The following SLC30A9 variants were observed in gnomAD, a reference collection of about 807,000 sequenced individuals.
SLC30A9 encodes the protein proton-coupled zinc antiporter SLC30A9, mitochondrial.
Under a neutral mutation model 87.5 loss-of-function variants are expected in SLC30A9, and 58 were observed. That is an observed-to-expected ratio of 0.66 (90% CI 0.54 to 0.82). The LOEUF is 0.82. Ranked by LOEUF, SLC30A9 falls within the 40% of genes least tolerant of loss-of-function variation. The pLI is 0.00. For synonymous variants in SLC30A9, 234 were observed against 233.0 expected, an observed-to-expected ratio of 1.00 and a Z score of -0.04; for missense variants, 557 against 679.1, an observed-to-expected ratio of 0.82 and a Z score of 2.00.
intron 4 of SLC30A9, 144 bp downstream of exon 4, chr4:42,020,659 T>G: frequency 2.0e-6 from 1 of 489,536 alleles, no homozygotes; most frequent in Non-Finnish European, 3.5e-6. Flanking sequence ...TTTTATTCAG[T>G]CAAAAATGTT....
rs114703078 is a variant in SLC30A9 at position 42,016,219 on chromosome 4, C to T, written c.275-1892C>T. Among the ~76,000 whole-genome samples the T allele has an allele frequency of 7.4e-3, 1,123 of 152,062 alleles. 10 individuals carry two copies. Among genetic ancestry groups the T allele is most frequent in the African/African-American group, 0.026 (1,076 of 41,484 alleles). ...CATGTTAAATGCTTAGTATATATAG[C>T]CATTCTTCATAAACTCTGAAATGTT... On this transcript the variant is annotated intron_variant, in intron 2 of 17. Coordinates refer to ENST00000264451, the MANE Select transcript of SLC30A9 (RefSeq NM_006345.4).
At chr4:42,015,174 G>A (rs889580337) in intron 2 of SLC30A9, among the ~76,000 whole-genome samples, 1 of 151,890 alleles carries the variant, frequency 6.6e-6, no homozygotes, top group Non-Finnish European at 1.5e-5. Flanking sequence ...CCCCATAAAT[G>A]TTTAATGTGT....
At chr4:42,045,892 C>G (rs1185991279) in intron 8 of SLC30A9, among the ~76,000 whole-genome samples, 1 of 152,164 alleles carries the variant, frequency 6.6e-6, no homozygotes, top group Non-Finnish European at 1.5e-5. Flanking sequence ...TTGGTTTCAT[C>G]CCTGGGATGC....
intron 12 of SLC30A9, among the ~76,000 whole-genome samples, chr4:42,065,783 C>T (rs1235197663): frequency 2.0e-5 from 3 of 152,164 alleles, no homozygotes; most frequent in Middle Eastern, 3.2e-3. Context: ...TTGATTGAAC[C>T]CACCACCACT....
At chr4:42,045,074 A>T (rs1717089887) in intron 8 of SLC30A9, among the ~76,000 whole-genome samples, 1 of 152,214 alleles carries the variant, frequency 6.6e-6, no homozygotes, top group African/African-American at 2.4e-5. Flanking sequence ...GTTTAGAGGG[A>T]AATTTATAGC....
intron 15 of SLC30A9, among the ~76,000 whole-genome samples, chr4:42,071,692 AG>A (rs901561251): frequency 1.3e-5 from 2 of 151,116 alleles, no homozygotes; most frequent in African/African-American, 4.8e-5. Flanking sequence ...AAAAAAAAAA[AG>A]ATTAGAAGTT....
At chr4:42,068,245 C>CTTTTT (rs59683160) in intron 14 of SLC30A9, among the ~76,000 whole-genome samples, 1 of 142,296 alleles carries the variant, frequency 7.0e-6, no homozygotes, top group Non-Finnish European at 1.5e-5. Context: ...GAACTTAACT[C>CTTTTT]TTTTTTTTTT....
intron 16 of SLC30A9, among the ~76,000 whole-genome samples, chr4:42,076,961 C>CA (rs36152706): frequency 3.7e-4 from 11 of 29,650 alleles, no homozygotes; most frequent in East Asian, 3.2e-3. Flanking sequence ...GACTCCGTCT[C>CA]AAAAAAAAAA....
chr4:42,063,225 C>A, intron 11 of SLC30A9, 104 bp downstream of exon 11: 1 of 978,670 alleles, frequency 1.0e-6, no homozygotes, highest in Non-Finnish European at 1.5e-6. Flanking sequence ...TGACATACAC[C>A]TTCTTGACTG....
At chr4:42,016,933 GA>G (rs1715748220) in intron 2 of SLC30A9, among the ~76,000 whole-genome samples, 1 of 152,154 alleles carries the variant, frequency 6.6e-6, no homozygotes, top group Non-Finnish European at 1.5e-5. Flanking sequence ...CCTCGTGCAA[GA>G]GTTTCTTGAA....
At chr4:42,007,916 TA>T (rs1715284025) in intron 2 of SLC30A9, among the ~76,000 whole-genome samples, 1 of 152,202 alleles carries the variant, frequency 6.6e-6, no homozygotes, top group South Asian at 2.1e-4. Context: ...GTGGTCTTTT[TA>T]AAAACAGATC....
At chr4:42,029,710 C>T (rs763087533) in intron 6 of SLC30A9, 6 of 743,204 alleles carry the variant, frequency 8.1e-6, no homozygotes, top group African/African-American at 1.7e-5. Flanking sequence ...AATGACAAAA[C>T]TTACAGCTAC....
At chr4:42,001,956 A>G (rs1003253736) in intron 2 of SLC30A9, among the ~76,000 whole-genome samples, 176 bp downstream of exon 2, 6 of 151,840 alleles carry the variant, frequency 4.0e-5, no homozygotes, top group Non-Finnish European at 8.8e-5. Flanking sequence ...TTTCTTTTTG[A>G]CTCAGTTTTC....
intron 8 of SLC30A9, among the ~76,000 whole-genome samples, chr4:42,047,762 A>G (rs184616464): frequency 1.3e-5 from 2 of 152,232 alleles, no homozygotes; most frequent in Non-Finnish European, 2.9e-5. Context: ...TCATTCTACT[A>G]TAAAGACACA....
intron 8 of SLC30A9, among the ~76,000 whole-genome samples, chr4:42,041,114 C>T (rs1560548000): frequency 1.3e-5 from 2 of 152,154 alleles, no homozygotes; most frequent in Admixed American, 1.3e-4. Context: ...ATCTCATGAG[C>T]TCATTCACTA....
intron 2 of SLC30A9, among the ~76,000 whole-genome samples, chr4:42,014,949 A>G (rs1204642957): frequency 1.3e-5 from 2 of 152,206 alleles, no homozygotes; most frequent in Non-Finnish European, 2.9e-5. Context: ...TAATGGGTAC[A>G]AAACTGCAGT....
rs914677507 is a variant in SLC30A9 at position 42,060,344 on chromosome 4, T to A, written c.896+98T>A. 50 of 907,942 alleles carry A rather than the reference T, an allele frequency of 5.5e-5. No individual in the cohort carries two copies. The Admixed American group carries it at 5.5e-4, about 10-fold the overall frequency. 56.2% of individuals were successfully genotyped at this position (907,942 alleles called of 1,614,324 possible). A position where few individuals can be genotyped will look rare whatever the true frequency, so the allele number is the denominator to read the frequency against. The stretch of plus-strand genomic sequence containing the variant: ...CTCCTGCAATTTATGTACCTGCAGT[T>A]TGTTCAAGATTTGGTCATTTCTTCC... On this transcript the variant is annotated intron_variant, in intron 10 of 17. Transcript: ENST00000264451.
At chr4:41,991,324 C>T (rs1289881273) in intron 1 of SLC30A9, among the ~76,000 whole-genome samples, 3 of 152,240 alleles carry the variant, frequency 2.0e-5, no homozygotes, top group African/African-American at 4.8e-5. Context: ...CAAAGAAACT[C>T]TTCAGTTCGG....
chr4:42,017,987 T>C lies in SLC30A9; in HGVS notation c.275-124T>C, dbSNP rs867720205. Reference sequence around the variant, plus strand: ...ACTACTCTTACATTCTTAAGATGAATCCAACATGGTCTGATACATTGTCGT... The same window carrying C: ...ACTACTCTTACATTCTTAAGATGAACCCAACATGGTCTGATACATTGTCGT... On this transcript the variant is annotated intron_variant, in intron 2 of 17. Transcript: ENST00000264451. 35 of 588,568 alleles carry C rather than the reference T, an allele frequency of 5.9e-5. No homozygotes were observed. In the Middle Eastern group the frequency reaches 1.4e-3, roughly 23 times the overall value. 36.5% of individuals were successfully genotyped at this position (588,568 alleles called of 1,614,324 possible).
Sources: gnomAD v4.1 joint callset for allele counts (sites outside exome capture counted in the v4.1 genomes callset) on GRCh38, gnomAD v4.1.1 for gene constraint, MANE v1.5 for transcripts, NCBI Gene and HGNC (gene_info 2026-07-23, HGNC 2026-07-21) for gene names.